The following PTPRO variants were observed in gnomAD, a reference collection of about 807,000 sequenced individuals.
PTPRO encodes receptor-type tyrosine-protein phosphatase O.
In PTPRO, 62 loss-of-function variants were observed where a neutral mutation model predicts 145.2. That is an observed-to-expected ratio of 0.43 (90% CI 0.35 to 0.53). The LOEUF (loss-of-function observed/expected upper bound fraction) is 0.53. Ranked by LOEUF, PTPRO falls within the 20% of genes least tolerant of loss-of-function variation. The pLI is 0.01. For synonymous variants in PTPRO, 565 were observed against 514.7 expected (o/e 1.10, Z -1.32); for missense variants, 1,345 against 1,482.7 (o/e 0.91, Z 1.53).
chr12:15,370,402 G>T (rs1162551395), intron 1 of PTPRO, among the ~76,000 whole-genome samples: 1 of 152,082 alleles, frequency 6.6e-6, no homozygotes, highest in African/African-American at 2.4e-5. Flanking sequence ...ATTCCAAAGT[G>T]ATTAAAGTCA....
intron 14 of PTPRO, among the ~76,000 whole-genome samples, chr12:15,549,847 T>C (rs2135557188): frequency 6.6e-6 from 1 of 152,354 alleles, no homozygotes; most frequent in East Asian, 1.9e-4. Flanking sequence ...TTTAGTTCCA[T>C]TTCTGTAATA....
At chr12:15,333,842 G>A (rs895321144) in intron 1 of PTPRO, among the ~76,000 whole-genome samples, 2 of 152,048 alleles carry the variant, frequency 1.3e-5, no homozygotes, top group Non-Finnish European at 2.9e-5. Context: ...AACCACTGAG[G>A]ACCAAATGAT....
At chr12:15,360,967 T>TACACACGTATATATACACACATATAC (rs1565585858) in intron 1 of PTPRO, among the ~76,000 whole-genome samples, 3 of 148,026 alleles carry the variant, frequency 2.0e-5, no homozygotes, top group Non-Finnish European at 4.5e-5. Context: ...CACACATATA[T>TACACACGTATATATACACACATATAC]ACACACGTAT....
intron 1 of PTPRO, among the ~76,000 whole-genome samples, chr12:15,350,840 G>T (rs927275982): frequency 6.6e-6 from 1 of 152,188 alleles, no homozygotes; most frequent in Non-Finnish European, 1.5e-5. Context: ...TGGAAGCTGC[G>T]GACATGTGGC....
chr12:15,549,332 A>G, intron 14 of PTPRO, 106 bp downstream of exon 14: 1 of 952,142 alleles, frequency 1.1e-6, no homozygotes, highest in African/African-American at 1.7e-5. Flanking sequence ...TCGGAGTCAG[A>G]GAGTCCTTAA....
intron 18 of PTPRO, 94 bp from the exon 19 acceptor site, chr12:15,569,323 T>C (rs1943982310): frequency 1.7e-6 from 2 of 1,184,494 alleles, no homozygotes; most frequent in African/African-American, 1.6e-5. Context: ...TTCTATTTTC[T>C]CCAAGAAGAT....
intron 1 of PTPRO, among the ~76,000 whole-genome samples, chr12:15,428,211 C>G (rs900037776): frequency 6.6e-6 from 1 of 152,128 alleles, no homozygotes. Context: ...TCAAAGACAA[C>G]AGCATCACTG....
At chr12:15,466,829 A>G (rs112002637) in intron 1 of PTPRO, among the ~76,000 whole-genome samples, 9 of 152,330 alleles carry the variant, frequency 5.9e-5, no homozygotes, top group African/African-American at 2.2e-4. Flanking sequence ...TGTAATAAAA[A>G]CGACTGATCT....
At chr12:15,473,768 C>CAAAAAAAAAAAAAAAAAAA (rs11340085) in intron 1 of PTPRO, among the ~76,000 whole-genome samples, 9 of 65,576 alleles carry the variant, frequency 1.4e-4, no homozygotes, top group African/African-American at 5.5e-4. Context: ...GACTCCATCT[C>CAAAAAAAAAAAAAAAAAAA]AAAAAAAAAA....
chr12:15,500,083 G>GTGGGTGGATGGA (rs148826736), intron 4 of PTPRO, among the ~76,000 whole-genome samples: 24,941 of 149,860 alleles, frequency 0.17, 2,188 homozygotes, highest in Middle Eastern at 0.19. Context: ...AGATGGATGG[G>GTGGGTGGATGGA]TGGATGGATG....
chr12:15,411,989 T>C (rs1939813259), intron 1 of PTPRO, among the ~76,000 whole-genome samples: 1 of 152,216 alleles, frequency 6.6e-6, no homozygotes, highest in African/African-American at 2.4e-5. Context: ...GCATGTCCAG[T>C]CATCTACCAA....
At chr12:15,552,795 CTTT>C (rs747379253) in intron 15 of PTPRO, among the ~76,000 whole-genome samples, 1 of 91,548 alleles carries the variant, frequency 1.1e-5, no homozygotes. Context: ...GAGGTCAAAT[CTTT>C]TTTTTTTTTT....
chr12:15,386,743 T>C (rs1939041400), intron 1 of PTPRO, among the ~76,000 whole-genome samples: 1 of 152,188 alleles, frequency 6.6e-6, no homozygotes, highest in South Asian at 2.1e-4. Context: ...AGAGTAATTT[T>C]TTTATCAGAA....
chr12:15,480,569 C>A (rs1227710036), intron 1 of PTPRO, among the ~76,000 whole-genome samples: 3 of 152,158 alleles, frequency 2.0e-5, no homozygotes, highest in Middle Eastern at 6.3e-3. Flanking sequence ...GGACCCCCTC[C>A]TTTTCAGGAT....
At chr12:15,584,726 A>C (rs1944394837) in intron 23 of PTPRO, among the ~76,000 whole-genome samples, 1 of 151,952 alleles carries the variant, frequency 6.6e-6, no homozygotes, top group South Asian at 2.1e-4. Flanking sequence ...TAATTAATAT[A>C]TTTTTCAATT....
At chr12:15,489,144 C>T (rs1292790339) in intron 2 of PTPRO, among the ~76,000 whole-genome samples, 5 of 152,034 alleles carry the variant, frequency 3.3e-5, no homozygotes, top group Non-Finnish European at 7.4e-5. Context: ...GATAAAAATA[C>T]TCATAATCAA....
At chr12:15,455,648 T>C (rs1397574147) in intron 1 of PTPRO, among the ~76,000 whole-genome samples, 1 of 152,210 alleles carries the variant, frequency 6.6e-6, no homozygotes, top group Non-Finnish European at 1.5e-5. Context: ...TTTTCAGATA[T>C]TAAAAATGAT....
At chr12:15,398,219 G>A (rs935588670) in intron 1 of PTPRO, among the ~76,000 whole-genome samples, 3 of 152,064 alleles carry the variant, frequency 2.0e-5, no homozygotes, top group African/African-American at 7.2e-5. Context: ...TCATTGTGTC[G>A]GTAAAAGCGG....
chr12:15,366,138 A>T (rs1227883805), intron 1 of PTPRO, among the ~76,000 whole-genome samples: 1 of 152,188 alleles, frequency 6.6e-6, no homozygotes, highest in Non-Finnish European at 1.5e-5. Context: ...GACAAATATC[A>T]CAAAAAAACT....
Sources: gnomAD v4.1 joint callset for allele counts (sites outside exome capture counted in the v4.1 genomes callset) on GRCh38, gnomAD v4.1.1 for gene constraint, MANE v1.5 for transcripts, NCBI Gene and HGNC (gene_info 2026-07-23, HGNC 2026-07-21) for gene names.